SERPINA12: variants seen among roughly 807,000 people sequenced by gnomAD.
The protein encoded by SERPINA12 is serpin family A member 12, also known as serpin A12.
In SERPINA12, 21 loss-of-function variants were observed where a neutral mutation model predicts 25.9. The ratio of observed to expected loss-of-function variants is 0.81; its 90% CI spans 0.58 to 1.17. The LOEUF is 1.17. Among genes scored for constraint, SERPINA12 ranks in the 50% most tolerant of loss-of-function variants. SERPINA12 has a pLI of 0.00. For missense variants in SERPINA12, 562 were observed against 508.3 expected, an observed-to-expected ratio of 1.11 and a Z score of -1.02; for synonymous variants, 220 against 196.0, an observed-to-expected ratio of 1.12 and a Z score of -1.02.
chr14:94,487,943 G>C (rs1330167153), intron 4 of SERPINA12, among the ~76,000 whole-genome samples: 1 of 152,166 alleles, frequency 6.6e-6, no homozygotes, highest in Non-Finnish European at 1.5e-5. Flanking sequence ...GAGATGACTT[G>C]CATCCCAAAT....
chr14:94,497,778 T>A lies in SERPINA12; in HGVS notation c.620A>T (p.Tyr207Phe), dbSNP rs1367261260. The A allele has an allele frequency of 6.2e-7, 1 of 1,604,392 alleles. No individual in the cohort carries two copies. The highest frequency in any genetic ancestry group is 1.3e-5 in the African/African-American group (1 of 74,250). The change falls in exon 2 of 5, where the codon TAT becomes TTT. Residue 207 changes from tyrosine (Y) to phenylalanine (F), a missense_variant. Coordinates refer to ENST00000677451, the MANE Select transcript of SERPINA12 (RefSeq NM_001382267.1). ...DPGTVMLLAN[Y>F]IFFRARWKHE... Reference sequence around the variant, plus strand: ...AAAAGCCTTACCTCGAAAGAAAATATAATTTGCAAGAAGCATCACAGTGCC... The same window carrying A: ...AAAAGCCTTACCTCGAAAGAAAATAAAATTTGCAAGAAGCATCACAGTGCC...
chr14:94,507,900 T>C (rs533585463), intron 1 of SERPINA12, among the ~76,000 whole-genome samples: 5 of 152,362 alleles, frequency 3.3e-5, no homozygotes, highest in African/African-American at 1.2e-4. Context: ...GCAATGTCCA[T>C]AGCAGCTTTA....
chr14:94,488,179 T>C (rs1319936848), intron 4 of SERPINA12, among the ~76,000 whole-genome samples: 34 of 152,164 alleles, frequency 2.2e-4, no homozygotes, highest in Non-Finnish European at 8.8e-5. Flanking sequence ...GTGTTAAATG[T>C]TTGTGGGAAG....
In SERPINA12 at chr14:94,498,265, C is replaced by T. The variant is rs768235915; in HGVS notation, c.133G>A (p.Ala45Thr). Reference protein sequence around the residue: ...EVQGWKQRMAAKELARQNMDL... With the variant: ...EVQGWKQRMATKELARQNMDL... ...ATGTTCTGCCTTGCAAGCTCCTTGGCTGCCATCCTTTGCTTCCATCCTTGG... is the reference window on the plus strand; with the variant it reads ...ATGTTCTGCCTTGCAAGCTCCTTGGTTGCCATCCTTTGCTTCCATCCTTGG... Residue 45 changes from alanine (A) to threonine (T), a missense_variant, in exon 2 of 5, where the codon GCC becomes ACC. Transcript: ENST00000677451. 1.2e-6 allele frequency: 2 copies of T among 1,614,106 alleles called. No homozygotes were observed. Among genetic ancestry groups the T allele is most frequent in the African/African-American group, 2.7e-5 (2 of 74,934 alleles).
At chr14:94,493,713 G>A (rs1201583631) in intron 3 of SERPINA12, among the ~76,000 whole-genome samples, 6 of 152,212 alleles carry the variant, frequency 3.9e-5, no homozygotes, top group African/African-American at 7.2e-5. Context: ...GCTTCTGTGC[G>A]CTGTAAGTTA....
chr14:94,511,306 T>C (rs1901103972), upstream of SERPINA12: 1 of 607,214 alleles, frequency 1.6e-6, no homozygotes, highest in Non-Finnish European at 2.1e-6. Flanking sequence ...GAGGGACCAT[T>C]GTCACACTAT....
intron 1 of SERPINA12, among the ~76,000 whole-genome samples, chr14:94,501,982 C>T (rs1342960291): frequency 1.3e-5 from 2 of 151,738 alleles, no homozygotes; most frequent in Admixed American, 6.6e-5. Flanking sequence ...TGATAGGTTG[C>T]TCTCCTGAGT....
At chr14:94,511,354 C>T (rs1901105239), upstream of SERPINA12, 45 of 958,252 alleles carry the variant, frequency 4.7e-5, 1 homozygote, top group Non-Finnish European at 5.5e-5. Context: ...AGTGAGTCAT[C>T]TGTCAAATGT....
intron 1 of SERPINA12, among the ~76,000 whole-genome samples, chr14:94,502,024 A>ATGTGTG (rs10626991): frequency 2.7e-3 from 387 of 144,704 alleles, no homozygotes; most frequent in African/African-American, 8.6e-3. Context: ...TTAGTTTGGA[A>ATGTGTG]TGTGTGTGTG....
At chr14:94,503,297 A>T (rs1900806972) in intron 1 of SERPINA12, 1 of 985,204 alleles carries the variant, frequency 1.0e-6, no homozygotes, top group South Asian at 4.7e-5. Flanking sequence ...TTTCTGGAAA[A>T]CAAAGAGTGG....
At chr14:94,488,557 G>A (rs773399602) in intron 4 of SERPINA12, among the ~76,000 whole-genome samples, 12 of 152,126 alleles carry the variant, frequency 7.9e-5, no homozygotes, top group Non-Finnish European at 1.8e-4. Flanking sequence ...CAATGAATAT[G>A]TTTTAGTGTA....
chr14:94,488,177 T>C (rs1566803272), intron 4 of SERPINA12, among the ~76,000 whole-genome samples: 1 of 152,326 alleles, frequency 6.6e-6, no homozygotes, highest in South Asian at 2.1e-4. Context: ...TGGTGTTAAA[T>C]GTTTGTGGGA....
chr14:94,503,307 G>T, intron 1 of SERPINA12: 1 of 985,294 alleles, frequency 1.0e-6, no homozygotes, highest in Non-Finnish European at 1.2e-6. Context: ...ACAAAGAGTG[G>T]AGAACATGTC....
upstream of SERPINA12, among the ~76,000 whole-genome samples, chr14:94,509,701 C>CTAGGTACACCCAAGGTGCTCTG (rs1901058815): frequency 6.6e-6 from 1 of 152,218 alleles, no homozygotes; most frequent in Non-Finnish European, 1.5e-5. Flanking sequence ...GGGCACTGTG[C>CTAGGTACACCCAAGGTGCTCTG]TAGGTACACC....
upstream of SERPINA12, chr14:94,511,794 T>A (rs1022447757): frequency 5.7e-6 from 5 of 879,866 alleles, no homozygotes; most frequent in African/African-American, 7.3e-5. Context: ...CAAGTCCTCA[T>A]AAGCTCACAG....
intron 1 of SERPINA12, among the ~76,000 whole-genome samples, chr14:94,508,673 G>A (rs1334234721): frequency 6.6e-6 from 1 of 152,156 alleles, no homozygotes; most frequent in African/African-American, 2.4e-5. Flanking sequence ...AAACTCTACA[G>A]AATATGTAAA....
intron 1 of SERPINA12, among the ~76,000 whole-genome samples, chr14:94,506,122 G>A (rs530242752): frequency 6.6e-6 from 1 of 152,332 alleles, no homozygotes; most frequent in East Asian, 1.9e-4. Context: ...CTAGAAGGAT[G>A]AAGGAGATTG....
intron 3 of SERPINA12, among the ~76,000 whole-genome samples, chr14:94,490,703 C>T (rs1306473314): frequency 1.3e-5 from 2 of 152,150 alleles, no homozygotes. Context: ...CCCACAATTG[C>T]CTCAGTCCAC....
chr14:94,487,415 A>C lies in SERPINA12; in HGVS notation c.1133T>G (p.Met378Arg). The C allele has an allele frequency of 6.2e-7, 1 of 1,614,032 alleles. No individual in the cohort carries two copies. The highest frequency in any genetic ancestry group is 1.1e-5 in the South Asian group (1 of 91,070). ...TATCTTGACGACGAGTGGTGTCTCCATGGGCAGAGTCTGTGCTCCGGTGCC... is the reference window on the plus strand; with the variant it reads ...TATCTTGACGACGAGTGGTGTCTCCCTGGGCAGAGTCTGTGCTCCGGTGCC... ...AAGTGAQTLP[M>R]ETPLVVKIDK... Residue 378 changes from methionine to arginine, a missense_variant, in exon 5 of 5, where the codon ATG becomes AGG. Transcript: ENST00000677451.
Sources: allele counts gnomAD v4.1 joint callset (sites outside exome capture counted in the v4.1 genomes callset), GRCh38; gene constraint gnomAD v4.1.1; transcripts MANE v1.5; gene names NCBI Gene and HGNC (gene_info 2026-07-23, HGNC 2026-07-21).